Variants in SEMA6C observed in about 807,000 individuals in gnomAD.
SEMA6C encodes semaphorin 6C, also known as semaphorin-6C.
SEMA6C carries 37 observed loss-of-function variants against 72.9 expected under a neutral mutation model. That is an observed-to-expected ratio of 0.51 (90% CI 0.39 to 0.67). SEMA6C has a LOEUF of 0.67. Among genes scored for constraint, SEMA6C ranks in the 30% least tolerant of loss-of-function variants. The pLI is 0.00. For missense variants in SEMA6C, 1,189 were observed against 1,263.6 expected (o/e 0.94, Z 0.89); for synonymous variants, 578 against 554.1 (o/e 1.04, Z -0.61).
Position 151,137,995 on chromosome 1 carries a change from A to T in SEMA6C, c.658T>A (p.Trp220Arg), listed in dbSNP as rs1478058326. Residue 220 changes from tryptophan to arginine, a missense_variant, in exon 9 of 19, where the codon TGG becomes AGG. By Grantham distance (101) the Trp-to-Arg change is moderately radical. This residue lies in a region of SEMA6C where 468 missense variants were observed against 577.4 expected (regional missense o/e 0.81). Coordinates refer to ENST00000368914, the MANE Select transcript of SEMA6C (RefSeq NM_030913.6). ...PLRSAKYDSK[W>R]LREPHFVQAL... ...CCAGGCCCGCCCTGACCTCGGAGCC[A>T]CTTGGAGTCATACTTGGCGGAGCGG... is the stretch of plus-strand genomic sequence containing the variant. 6.2e-7 allele frequency: 1 copy of T among 1,613,924 alleles called. No individual in the cohort carries two copies. Among genetic ancestry groups the T allele is most frequent in the Non-Finnish European group, 8.5e-7 (1 of 1,179,924 alleles).
In SEMA6C at chr1:151,136,003, C is replaced by G; in HGVS notation, c.1259+8G>C. 6.2e-7 allele frequency: 1 copy of G among 1,614,068 alleles called. No homozygotes were observed. Among genetic ancestry groups the G allele is most frequent in the Non-Finnish European group, 8.5e-7 (1 of 1,179,960 alleles). ...GGAGGCAGTGGTCAGTGTTTTTCAG[C>G]CCCATACCTGCTAGTGAGAGTGAGT... On this transcript the variant is annotated splice_region_variant and intron_variant, in intron 13 of 18. Coordinates refer to ENST00000368914, the MANE Select transcript of SEMA6C (RefSeq NM_030913.6).
chr1:151,136,976 G>A lies in SEMA6C; in HGVS notation c.855C>T (p.Leu285=). ...RHWTSFLKLR[L]NCSVPGDSTF... ...TAGAGTCCCCAGGGACAGAGCAGTT[G>A]AGCCGAAGCTTCAGGAAGGATGTCC... is the stretch of plus-strand genomic sequence containing the variant. Residue 285 remains leucine (L), a synonymous_variant, in exon 11 of 19, where the codon CTC becomes CTT. Transcript: ENST00000368914. The A allele has an allele frequency of 6.2e-7, 1 of 1,614,192 alleles. No individual in the cohort carries two copies. Among genetic ancestry groups the A allele is most frequent in the Non-Finnish European group, 8.5e-7 (1 of 1,180,040 alleles).
At chr1:151,140,693 T>C (rs1223433429) in intron 3 of SEMA6C, among the ~76,000 whole-genome samples, 1 of 152,156 alleles carries the variant, frequency 6.6e-6, no homozygotes, top group Non-Finnish European at 1.5e-5. Context: ...GATAAATGAT[T>C]TAACATTTAT....
rs776616223 is a variant in SEMA6C at position 151,132,446 on chromosome 1, C to T, written c.*38G>A. 38 of 1,534,692 alleles carry T rather than the reference C, an allele frequency of 2.5e-5. No homozygotes were observed. The South Asian group carries it at 4.5e-4, about 18-fold the overall frequency. On this transcript the variant is annotated 3_prime_UTR_variant, in exon 19 of 19. Transcript: ENST00000368914. The stretch of plus-strand genomic sequence containing the variant: ...CGTCCAGCTCGTGGCCGAGAGGACT[C>T]GGGCGCTCCCCACGCTGGAGGCCGT...
chr1:151,132,903 A>G lies in SEMA6C; in HGVS notation c.2374T>C (p.Ser792Pro). 1 of 1,341,896 alleles carries G rather than the reference A, an allele frequency of 7.5e-7. No individual in the cohort carries two copies. The highest frequency in any genetic ancestry group is 9.5e-7 in the Non-Finnish European group (1 of 1,048,404). 83.1% of individuals were successfully genotyped at this position (1,341,896 alleles called of 1,614,324 possible). The change falls in exon 19 of 19, where the codon TCG becomes CCG. Residue 792 changes from serine (S) to proline (P), a missense_variant. Transcript: ENST00000368914. ...KGAEPPAPLT[S>P]RALPPEPAPA... is the part of the protein sequence containing the mutation. The stretch of plus-strand genomic sequence containing the variant: ...GCGGGCTCCGGCGGGAGCGCCCGCG[A>G]GGTTAAAGGGGCGGGGGGCTCGGCC...
chr1:151,138,439 T>A, intron 7 of SEMA6C, 33 bp from the exon 8 acceptor site: 1 of 1,595,702 alleles, frequency 6.3e-7, no homozygotes, highest in Middle Eastern at 1.7e-4. Context: ...CCTGGAACCT[T>A]TAGGGTCTTG....
chr1:151,134,531 A>G, intron 17 of SEMA6C, 86 bp from the exon 18 acceptor site: 2 of 1,605,762 alleles, frequency 1.2e-6, no homozygotes, highest in Non-Finnish European at 1.7e-6. Flanking sequence ...GAAGGAGAGA[A>G]GGACAAAAGG....
chr1:151,137,242 G>A (rs1238500723), intron 10 of SEMA6C, among the ~76,000 whole-genome samples, 168 bp from the exon 11 acceptor site: 4 of 152,030 alleles, frequency 2.6e-5, no homozygotes, highest in Non-Finnish European at 2.9e-5. Flanking sequence ...TCAGGAGATC[G>A]AGACCATCCT....
intron 9 of SEMA6C, 82 bp downstream of exon 9, chr1:151,137,904 A>G: frequency 6.3e-7 from 1 of 1,584,714 alleles, no homozygotes; most frequent in Non-Finnish European, 8.6e-7. Context: ...ACACTACCAC[A>G]CCATTTGCCT....
rs746317373 is a variant in SEMA6C, at chr1:151,139,656, C to G, written c.279G>C (p.Glu93Asp). Reference protein sequence around the residue: ...SFDLQAEEEGEGLVPNKYLTW... With the variant: ...SFDLQAEEEGDGLVPNKYLTW... ...CCCTCACCTTGTTGGGCACCAGCCCCTCCCCTTCTTCTTCGGCTTGAAGAT... is the reference window on the plus strand; with the variant it reads ...CCCTCACCTTGTTGGGCACCAGCCCGTCCCCTTCTTCTTCGGCTTGAAGAT... The change falls in exon 5 of 19, where the codon GAG becomes GAC. Residue 93 changes from glutamate (E) to aspartate (D), a missense_variant. Coordinates refer to ENST00000368914, the MANE Select transcript of SEMA6C (RefSeq NM_030913.6). 7.5e-6 allele frequency: 12 copies of G among 1,607,644 alleles called. No individual in the cohort carries two copies. Among genetic ancestry groups the G allele is most frequent in the Non-Finnish European group, 9.4e-6 (11 of 1,175,128 alleles).
intron 18 of SEMA6C, 165 bp downstream of exon 18, chr1:151,134,236 C>T: frequency 1.3e-6 from 1 of 779,426 alleles, no homozygotes; most frequent in Non-Finnish European, 2.2e-6. Flanking sequence ...AAAAAGTACC[C>T]TACTGTGTGC....
At position 151,132,950 on chromosome 1, in the gene SEMA6C, C is replaced by A; in HGVS notation, c.2327G>T (p.Gly776Val). Residue 776 changes from glycine to valine, a missense_variant, in exon 19 of 19, where the codon GGC (glycine) becomes GTC (valine). Transcript: ENST00000368914. Reference protein sequence around the residue: ...TLEELLRYLHGPQPPRKGAEP... With the variant: ...TLEELLRYLHVPQPPRKGAEP... ...GGCCCCCTTTCTGGGCGGCTGCGGG[C>A]CGTGCAGGTAGCGCAGCAGTTCCTC... is the stretch of plus-strand genomic sequence containing the variant. 2 of 1,409,010 alleles carry A rather than the reference C, an allele frequency of 1.4e-6. No individual in the cohort carries two copies. Among genetic ancestry groups the A allele is most frequent in the Non-Finnish European group, 9.3e-7 (1 of 1,078,280 alleles). 87.3% of individuals were successfully genotyped at this position (1,409,010 alleles called of 1,614,324 possible).
chr1:151,146,492 G>C lies in SEMA6C; in HGVS notation c.-164C>G, dbSNP rs1157500741. The C allele has an allele frequency of 2.6e-5, 4 of 152,304 alleles. No individual in the cohort carries two copies. The highest frequency in any genetic ancestry group is 9.6e-5 in the African/African-American group (4 of 41,466). The allele number at this position is 152,304 out of a possible 1,614,324, so 9.4% of individuals were successfully genotyped here. On this transcript the variant is annotated 5_prime_UTR_variant, in exon 1 of 19. Coordinates refer to ENST00000368914, the MANE Select transcript of SEMA6C (RefSeq NM_030913.6). This position sits in a 1 kb window ranked among gnomAD's most constrained non-coding sequence, Gnocchi z 4.6. ...CGGGCGGCCAGCGGCCACGCGCTGCGCTGAGTTCGCAATCCGTGGTTGTGC... is the reference window on the plus strand; with the variant it reads ...CGGGCGGCCAGCGGCCACGCGCTGCCCTGAGTTCGCAATCCGTGGTTGTGC...
rs754780405 is a variant in SEMA6C, at chr1:151,142,601, G to A, written c.21C>T (p.Phe7=). 6.3e-7 allele frequency: 1 copy of A among 1,596,110 alleles called. No homozygotes were observed. The highest frequency in any genetic ancestry group is 1.1e-5 in the South Asian group (1 of 87,886). ...GCAGCAGCAGTAGCAGCAAGGGCATGAAGTGGGGGGCACGGGGCATCCTGT... is the reference window on the plus strand; with the variant it reads ...GCAGCAGCAGTAGCAGCAAGGGCATAAAGTGGGGGGCACGGGGCATCCTGT... MPRAPH[F]MPLLLLLLLL... is the part of the protein sequence containing the mutation. Residue 7 remains phenylalanine (F), a synonymous_variant, in exon 3 of 19, where the codon TTC becomes TTT. Transcript: ENST00000368914.
At position 151,145,943 on chromosome 1, in the gene SEMA6C, G is replaced by T. The variant is rs988797306; in HGVS notation, c.-105+490C>A. 6.6e-6 allele frequency: 1 copy of T among 152,234 alleles called. No homozygotes were observed. The highest frequency in any genetic ancestry group is 6.5e-5 in the Admixed American group (1 of 15,274). 9.4% of individuals were successfully genotyped at this position (152,234 alleles called of 1,614,324 possible). On this transcript the variant is annotated intron_variant, in intron 1 of 18. Coordinates refer to ENST00000368914, the MANE Select transcript of SEMA6C (RefSeq NM_030913.6). This position sits in a 1 kb window ranked among gnomAD's most constrained non-coding sequence, Gnocchi z 4.4. ...CCCCATTCGCCGCCTCTTTGCACGA[G>T]CCAACCCTTCAGAGGGTGCTCAGAT...
rs1404173319 is a variant in SEMA6C, at chr1:151,145,037, T to C, written c.-104-603A>G. 1.3e-5 allele frequency: 2 copies of C among 152,256 alleles called. No individual in the cohort carries two copies. Among genetic ancestry groups the C allele is most frequent in the Non-Finnish European group, 2.9e-5 (2 of 68,084 alleles). The allele number at this position is 152,256 out of a possible 1,614,324, so 9.4% of individuals were successfully genotyped here. A position where few individuals can be genotyped will look rare whatever the true frequency, so the allele number is the denominator to read the frequency against. On this transcript the variant is annotated intron_variant, in intron 1 of 18. Coordinates refer to ENST00000368914, the MANE Select transcript of SEMA6C (RefSeq NM_030913.6). The surrounding 1 kb of genome is among the most constrained non-coding windows in gnomAD (Gnocchi z 4.4). Reference sequence around the variant, plus strand: ...ACTATGATACACCTTTAAGAGGGCTTCTTGTAGCTGTTTCTGGGAAGCAGC... The same window carrying C: ...ACTATGATACACCTTTAAGAGGGCTCCTTGTAGCTGTTTCTGGGAAGCAGC...
intron 10 of SEMA6C, 73 bp from the exon 11 acceptor site, chr1:151,137,147 A>AGTT: frequency 7.2e-7 from 1 of 1,388,230 alleles, no homozygotes. Context: ...GAGTGTGGTG[A>AGTT]GTTAAGAGCA....
At chr1:151,137,942 C>A (rs1191655728) in intron 9 of SEMA6C, 44 bp downstream of exon 9, 14 of 1,602,318 alleles carry the variant, frequency 8.7e-6, no homozygotes, top group Non-Finnish European at 1.1e-5. Context: ...TCCCTCTGTG[C>A]CTCCTCCCCA....
chr1:151,133,374 G>A lies in SEMA6C; in HGVS notation c.1903C>T (p.Arg635Cys), dbSNP rs1681740247. Residue 635 changes from arginine (R) to cysteine (C), a missense_variant, in exon 19 of 19, where the codon CGT becomes TGT. Arg to Cys is a radical substitution (Grantham distance 180, BLOSUM62 -3). Around this residue, in one of 2 missense-constraint regions of SEMA6C, gnomAD observed 721 missense variants for 686.2 expected, o/e 1.05. Transcript: ENST00000368914. The surrounding 1 kb of genome is among the most constrained non-coding windows in gnomAD (Gnocchi z 5.9). ...VSCACRRAHRRRGKDIETPGL... is the reference protein window; with the variant it reads ...VSCACRRAHRCRGKDIETPGL... ...GGAGTCTCGATGTCCTTGCCCCGACGTCGGTGGGCGCGGCGACAAGCACAG... is the reference window on the plus strand; with the variant it reads ...GGAGTCTCGATGTCCTTGCCCCGACATCGGTGGGCGCGGCGACAAGCACAG... 3 of 1,600,664 alleles carry A rather than the reference G, an allele frequency of 1.9e-6. No individual in the cohort carries two copies. The highest frequency in any genetic ancestry group is 4.5e-5 in the East Asian group (2 of 44,610).
Sources: gnomAD v4.1 joint callset for allele counts (sites outside exome capture counted in the v4.1 genomes callset) on GRCh38, gnomAD v4.1.1 for gene constraint, gnomAD v4.1.1 regional missense constraint, Gnocchi (gnomAD v3.1) non-coding constraint, MANE v1.5 for transcripts, NCBI Gene and HGNC (gene_info 2026-07-23, HGNC 2026-07-21) for gene names.